The following RABGAP1L variants were observed in gnomAD, a reference collection of about 807,000 sequenced individuals.
RABGAP1L encodes the protein rab GTPase-activating protein 1-like.
A neutral mutation model predicts 137.7 loss-of-function variants in RABGAP1L; 63 were observed. The ratio of observed to expected loss-of-function variants is 0.46; its 90% CI spans 0.37 to 0.56. RABGAP1L has a LOEUF of 0.56. Among genes scored for constraint, RABGAP1L ranks in the 20% least tolerant of loss-of-function variants. The pLI is 0.00. For synonymous variants in RABGAP1L, 431 were observed against 433.7 expected (o/e 0.99, Z 0.08); for missense variants, 1,095 against 1,244.0 (o/e 0.88, Z 1.80).
intron 14 of RABGAP1L, among the ~76,000 whole-genome samples, chr1:174,645,156 C>T (rs1416581949): frequency 6.6e-6 from 1 of 151,976 alleles, no homozygotes; most frequent in African/African-American, 2.4e-5. Context: ...ATATATATCA[C>T]ATAACGTTGT....
chr1:174,745,832 T>C (rs1573007584), intron 17 of RABGAP1L, among the ~76,000 whole-genome samples: 1 of 152,246 alleles, frequency 6.6e-6, no homozygotes, highest in East Asian at 1.9e-4. Context: ...TTCTTTTGTA[T>C]GGGTCAGAAA....
chr1:174,486,351 CTTT>C (rs200712256), intron 13 of RABGAP1L, among the ~76,000 whole-genome samples: 1 of 132,282 alleles, frequency 7.6e-6, no homozygotes. Context: ...CTGCTCTGAT[CTTT>C]TTTTTTTTTT....
At chr1:174,521,705 G>A (rs1663409787) in intron 13 of RABGAP1L, among the ~76,000 whole-genome samples, 1 of 152,174 alleles carries the variant, frequency 6.6e-6, no homozygotes. Flanking sequence ...TTGTAGTGGG[G>A]AAAACTGACA....
At position 174,448,403 on chromosome 1, in the gene RABGAP1L, A is replaced by C. The variant is rs1241970422; in HGVS notation, c.1710+54258A>C. 1.9e-6 allele frequency: 3 copies of C among 1,612,538 alleles called. No individual in the cohort carries two copies. Among genetic ancestry groups the C allele is most frequent in the Non-Finnish European group, 2.5e-6 (3 of 1,179,072 alleles). On this transcript the variant is annotated intron_variant, in intron 13 of 25. Transcript: ENST00000681986. The surrounding 1 kb of genome is among the most constrained non-coding windows in gnomAD (Gnocchi z 4.2). Reference sequence around the variant, plus strand: ...CGTTGGAGTTAGCTGCTTGGTTCCTACTCTGTCACTTCTCCACTACTCCAC... The same window carrying C: ...CGTTGGAGTTAGCTGCTTGGTTCCTCCTCTGTCACTTCTCCACTACTCCAC...
chr1:174,968,500 G>GTTTTTT (rs5778822), intron 20 of RABGAP1L, among the ~76,000 whole-genome samples: 2 of 147,030 alleles, frequency 1.4e-5, no homozygotes, highest in Non-Finnish European at 3.0e-5. Context: ...TAGTGACTTG[G>GTTTTTT]TTTTTTTTTT....
At chr1:174,627,066 T>A (rs12065527) in intron 13 of RABGAP1L, among the ~76,000 whole-genome samples, 55,764 of 151,768 alleles carry the variant, frequency 0.37, 13,404 homozygotes, top group African/African-American at 0.69. Flanking sequence ...ATAATACTTA[T>A]AAAGTTGAAA....
chr1:174,347,808 T>C, intron 11 of RABGAP1L, among the ~76,000 whole-genome samples: 1 of 152,220 alleles, frequency 6.6e-6, no homozygotes, highest in East Asian at 1.9e-4. Flanking sequence ...AAATCTGTTT[T>C]GTCTAATTAT....
chr1:174,965,119 T>C (rs1669504189), intron 20 of RABGAP1L: 1 of 623,306 alleles, frequency 1.6e-6, no homozygotes, highest in South Asian at 2.0e-5. Flanking sequence ...GGGGTGAAAC[T>C]ATGAGGACAG....
intron 1 of RABGAP1L, among the ~76,000 whole-genome samples, chr1:174,173,173 C>T (rs999836281): frequency 6.6e-6 from 1 of 151,126 alleles, no homozygotes; most frequent in Non-Finnish European, 1.5e-5. Context: ...TCTTGTTGCC[C>T]AGGCTGGAGT....
intron 18 of RABGAP1L, among the ~76,000 whole-genome samples, chr1:174,807,080 C>A (rs972882139): frequency 5.9e-5 from 9 of 152,106 alleles, no homozygotes; most frequent in African/African-American, 2.2e-4. Context: ...AGCCACCATG[C>A]CTGGCCTGTA....
intron 13 of RABGAP1L, among the ~76,000 whole-genome samples, chr1:174,633,349 G>A (rs1332740792): frequency 1.4e-5 from 2 of 146,698 alleles, no homozygotes; most frequent in Non-Finnish European, 3.0e-5. Context: ...CCTCTTCAAG[G>A]AGAACTACAA....
chr1:174,365,872 G>A (rs1423237189), intron 11 of RABGAP1L, among the ~76,000 whole-genome samples: 1 of 152,176 alleles, frequency 6.6e-6, no homozygotes, highest in Non-Finnish European at 1.5e-5. Flanking sequence ...AAAATTTGGT[G>A]TTCCAGGGAG....
chr1:174,298,364 C>T (rs1164411320), intron 10 of RABGAP1L, among the ~76,000 whole-genome samples: 1 of 152,192 alleles, frequency 6.6e-6, no homozygotes, highest in Non-Finnish European at 1.5e-5. Context: ...CTCTTTCTCA[C>T]CTACTGTCAG....
intron 19 of RABGAP1L, among the ~76,000 whole-genome samples, chr1:174,947,098 C>G (rs1053556608): frequency 1.3e-5 from 2 of 149,870 alleles, no homozygotes; most frequent in Non-Finnish European, 3.0e-5. Flanking sequence ...TACCCTATTA[C>G]AAAACATAAA....
At chr1:174,596,064 G>A (rs1229074779) in intron 13 of RABGAP1L, among the ~76,000 whole-genome samples, 4 of 119,480 alleles carry the variant, frequency 3.3e-5, no homozygotes, top group East Asian at 2.2e-4. Flanking sequence ...GTGGTGCGCC[G>A]TTTCTTAAGC....
At chr1:174,905,237 C>T (rs1365185598) in intron 19 of RABGAP1L, among the ~76,000 whole-genome samples, 1 of 152,188 alleles carries the variant, frequency 6.6e-6, no homozygotes, top group East Asian at 1.9e-4. Context: ...ACTAATCCTT[C>T]AGTGCAAAAA....
intron 13 of RABGAP1L, among the ~76,000 whole-genome samples, 182 bp from the exon 14 acceptor site, chr1:174,637,193 C>A (rs1674119528): frequency 6.6e-6 from 1 of 152,114 alleles, no homozygotes; most frequent in African/African-American, 2.4e-5. Flanking sequence ...TGAAAAGATA[C>A]AAAGGAGCTG....
chr1:174,439,208 G>A (rs935693747), intron 13 of RABGAP1L, among the ~76,000 whole-genome samples: 2 of 151,902 alleles, frequency 1.3e-5, no homozygotes, highest in African/African-American at 4.8e-5. Context: ...CTAGATGTAG[G>A]TTTTCCCATA....
chr1:174,392,433 T>C (rs928910089), intron 12 of RABGAP1L, among the ~76,000 whole-genome samples: 3 of 152,204 alleles, frequency 2.0e-5, no homozygotes, highest in Non-Finnish European at 4.4e-5. Flanking sequence ...TAAGGTATGG[T>C]AGCACGTTAA....
Sources: allele counts gnomAD v4.1 joint callset (sites outside exome capture counted in the v4.1 genomes callset), GRCh38; gene constraint gnomAD v4.1.1; non-coding constraint Gnocchi (gnomAD v3.1); transcripts MANE v1.5; gene names NCBI Gene and HGNC (gene_info 2026-07-23, HGNC 2026-07-21).